Variants in DNAH2 observed in about 807,000 individuals in gnomAD.
The protein encoded by DNAH2 is dynein axonemal heavy chain 2.
Under a neutral mutation model 523.5 loss-of-function variants are expected in DNAH2, and 323 were observed. The observed-to-expected ratio is 0.62, with a 90% CI of 0.56 to 0.68. The LOEUF (loss-of-function observed/expected upper bound fraction) is 0.68, where lower values mean the gene tolerates loss of function less well. Ranked by LOEUF, DNAH2 falls within the 30% of genes least tolerant of loss-of-function variation. DNAH2 has a pLI of 0.00. For missense variants in DNAH2, 4,907 were observed against 5,701.5 expected (o/e 0.86, Z 4.49); for synonymous variants, 2,093 against 2,177.4 (o/e 0.96, Z 1.08).
At chr17:7,775,760 A>T (rs1382171009) in intron 30 of DNAH2, among the ~76,000 whole-genome samples, 3 of 151,820 alleles carry the variant, frequency 2.0e-5, no homozygotes, top group African/African-American at 7.3e-5. Flanking sequence ...AGACCTCTTT[A>T]AATGGCCGTT....
At chr17:7,732,985 G>A (rs1435112137) in intron 4 of DNAH2, 102 bp from the exon 5 acceptor site, 2 of 1,143,384 alleles carry the variant, frequency 1.7e-6, no homozygotes, top group Non-Finnish European at 2.5e-6. Context: ...AGAAGGATCA[G>A]GATACCCTGA....
In DNAH2 at chr17:7,767,898, A is replaced by G; in HGVS notation, c.3676-2A>G. On this transcript the variant is annotated splice_acceptor_variant, in intron 22 of 85. Coordinates refer to ENST00000572933, the MANE Select transcript of DNAH2 (RefSeq NM_020877.5). LOFTEE classifies it high-confidence loss of function. ...CATGCAACGCGCCTTTCTGCCCTGT[A>G]GGAGCTCGATGCCCTCCAGCAAATC... The G allele has an allele frequency of 6.2e-7, 1 of 1,614,114 alleles. No individual in the cohort carries two copies. Among genetic ancestry groups the G allele is most frequent in the East Asian group, 2.2e-5 (1 of 44,878 alleles).
Position 7,734,251 on chromosome 17 carries a change from G to A in DNAH2, c.697G>A (p.Glu233Lys), listed in dbSNP as rs750463334. 1 of 1,607,682 alleles carries A rather than the reference G, an allele frequency of 6.2e-7. No individual in the cohort carries two copies. The highest frequency in any genetic ancestry group is 8.5e-7 in the Non-Finnish European group (1 of 1,176,916). The change falls in exon 6 of 86, where the codon GAG becomes AAG. Residue 233 changes from glutamate (E) to lysine (K), a missense_variant. This residue lies in a region of DNAH2 where 2,806 missense variants were observed against 3,190.8 expected (regional missense o/e 0.88). Coordinates refer to ENST00000572933, the MANE Select transcript of DNAH2 (RefSeq NM_020877.5). ...IPAEAMNMKP[E>K]MVIKDKELVQ... ...TGCAGAGGCCATGAACATGAAGCCT[G>A]AGATGGTGATAAAGGACAAAGAGCT...
At chr17:7,817,438 C>G in intron 65 of DNAH2, 23 bp downstream of exon 65, 1 of 1,613,722 alleles carries the variant, frequency 6.2e-7, no homozygotes, top group Non-Finnish European at 8.5e-7. Context: ...TCAGGCATGA[C>G]AAGTAGGCTC....
intron 12 of DNAH2, among the ~76,000 whole-genome samples, chr17:7,752,160 T>TACACACACTTACACACAC (rs146035380): frequency 8.0e-6 from 1 of 124,952 alleles, no homozygotes; most frequent in Non-Finnish European, 1.6e-5. Context: ...TAAGTCATTT[T>TACACACACTTACACACAC]ACACACACAC....
intron 2 of DNAH2, among the ~76,000 whole-genome samples, chr17:7,721,687 T>A (rs1268717026): frequency 6.6e-6 from 1 of 152,212 alleles, no homozygotes; most frequent in Non-Finnish European, 1.5e-5. Context: ...TTTGGTTATA[T>A]CTCATTTGTT....
chr17:7,780,738 G>A lies in DNAH2; in HGVS notation c.5959G>A (p.Ala1987Thr), dbSNP rs368421757. The change falls in exon 38 of 86, where the codon GCT becomes ACT. Residue 1987 changes from alanine to threonine, a missense_variant. This residue lies in a region of DNAH2 where 2,806 missense variants were observed against 3,190.8 expected (regional missense o/e 0.88). Transcript: ENST00000572933. The surrounding 1 kb of genome is among the most constrained non-coding windows in gnomAD (Gnocchi z 4.4). ...TGCCCTCACCTCCCTTCTGCGCTATGCTGGCAAGAAGCGCCGCCTACAGCC... is the reference window on the plus strand; with the variant it reads ...TGCCCTCACCTCCCTTCTGCGCTATACTGGCAAGAAGCGCCGCCTACAGCC... ...LRALTSLLRY[A>T]GKKRRLQPDL... The A allele has an allele frequency of 1.9e-6, 3 of 1,614,120 alleles. No individual in the cohort carries two copies. The highest frequency in any genetic ancestry group is 2.5e-6 in the Non-Finnish European group (3 of 1,180,060).
intron 39 of DNAH2, among the ~76,000 whole-genome samples, chr17:7,782,669 T>C (rs2151251033): frequency 6.6e-6 from 1 of 152,084 alleles, no homozygotes; most frequent in East Asian, 1.9e-4. Context: ...TTACTTCAGA[T>C]ATTGAAACTG....
intron 2 of DNAH2, among the ~76,000 whole-genome samples, 193 bp downstream of exon 2, chr17:7,720,093 A>G (rs1208505067): frequency 6.6e-6 from 1 of 152,156 alleles, no homozygotes. Context: ...CCTCCTGGCC[A>G]GCCTCATCCT....
chr17:7,776,710 G>A, intron 31 of DNAH2, 69 bp from the exon 32 acceptor site: 1 of 1,266,442 alleles, frequency 7.9e-7, no homozygotes. Context: ...AATTAGCTGG[G>A]ACTTGGGAGC....
chr17:7,776,251 A>AACTCCTGACCTCAAGT, intron 31 of DNAH2, 102 bp downstream of exon 31: 2 of 1,390,660 alleles, frequency 1.4e-6, no homozygotes, highest in Non-Finnish European at 1.9e-6. Flanking sequence ...AGATCACTTG[A>AACTCCTGACCTCAAGT]GGTCAGGAGT....
chr17:7,749,308 C>CAAAAAAAAAA (rs57660603), intron 12 of DNAH2, among the ~76,000 whole-genome samples: 268 of 17,762 alleles, frequency 0.015, 118 homozygotes, highest in South Asian at 0.033. Flanking sequence ...AACTCCCCCC[C>CAAAAAAAAAA]AAAAAAAAAA....
chr17:7,780,653 ACT>A lies in DNAH2; in HGVS notation c.5877_5878del (p.Tyr1960LeufsTer14), dbSNP rs1374543183. 8 of 1,613,790 alleles carry A rather than the reference ACT, an allele frequency of 5.0e-6. No homozygotes were observed. The highest frequency in any genetic ancestry group is 1.3e-5 in the African/African-American group (1 of 74,834). ...CKILAKKVYT[L>X]YSLAVQQLSR... ...AGATTCTGGCCAAGAAGGTGTACAC[ACT>A]CTACTCACTGGCTGTGCAGCAGCTG... On this transcript the variant is annotated frameshift_variant, in exon 38 of 86. Coordinates refer to ENST00000572933, the MANE Select transcript of DNAH2 (RefSeq NM_020877.5). LOFTEE classifies it high-confidence loss of function. The surrounding 1 kb of genome is among the most constrained non-coding windows in gnomAD (Gnocchi z 4.4).
chr17:7,724,167 T>C (rs114397275), intron 3 of DNAH2, among the ~76,000 whole-genome samples: 406 of 152,198 alleles, frequency 2.7e-3, no homozygotes, highest in African/African-American at 9.2e-3. Flanking sequence ...GTCATGACCA[T>C]AGTTACCTGG....
chr17:7,832,740 A>G lies in DNAH2; in HGVS notation c.12888A>G (p.Ser4296=). The G allele has an allele frequency of 6.2e-7, 1 of 1,614,070 alleles. No individual in the cohort carries two copies. Among genetic ancestry groups the G allele is most frequent in the Non-Finnish European group, 8.5e-7 (1 of 1,180,024 alleles). Residue 4296 remains serine, a synonymous_variant, in exon 83 of 86, where the codon TCA becomes TCG. Transcript: ENST00000572933. This position sits in a 1 kb window ranked among gnomAD's most constrained non-coding sequence, Gnocchi z 4.3. ...TCCTCACTGCTGTGCTGCAGTCTTC[A>G]GCTCGCCAAAACAACGTGAGCAATG... is the stretch of plus-strand genomic sequence containing the variant. ...TGFLTAVLQS[S]ARQNNVSVDS...
chr17:7,727,894 G>A (rs1567604625), intron 4 of DNAH2, among the ~76,000 whole-genome samples: 1 of 152,104 alleles, frequency 6.6e-6, no homozygotes, highest in Admixed American at 6.6e-5. Context: ...GGAGCCAGTG[G>A]AATTCTGGGA....
rs757843553 is a variant in DNAH2, at chr17:7,767,995, G to A, written c.3771G>A (p.Thr1257=). 43 of 1,614,136 alleles carry A rather than the reference G, an allele frequency of 2.7e-5. No individual in the cohort carries two copies. Among genetic ancestry groups the A allele is most frequent in the South Asian group, 3.3e-5 (3 of 91,082 alleles). Residue 1257 remains threonine, a synonymous_variant, in exon 23 of 86, where the codon ACG becomes ACA. Transcript: ENST00000572933. ...CTGGCCGGTTCCTGATCCTGCAGACGGAAACCATGGAGACCACGGCCCACG... is the reference window on the plus strand; with the variant it reads ...CTGGCCGGTTCCTGATCCTGCAGACAGAAACCATGGAGACCACGGCCCACG... ...WKTGRFLILQ[T]ETMETTAHGL...
chr17:7,826,888 A>G (rs891119806), intron 77 of DNAH2, among the ~76,000 whole-genome samples: 1 of 152,048 alleles, frequency 6.6e-6, no homozygotes, highest in African/African-American at 2.4e-5. Context: ...TTGAAGTCCC[A>G]GTGTGCCTCT....
intron 2 of DNAH2, among the ~76,000 whole-genome samples, chr17:7,720,802 T>C (rs1256541490): frequency 6.6e-6 from 1 of 152,078 alleles, no homozygotes; most frequent in African/African-American, 2.4e-5. Context: ...TCCTTCTGAG[T>C]TCTGAAGTGC....
Sources: gnomAD v4.1 joint callset for allele counts (sites outside exome capture counted in the v4.1 genomes callset) on GRCh38, gnomAD v4.1.1 for gene constraint, gnomAD v4.1.1 regional missense constraint, Gnocchi (gnomAD v3.1) non-coding constraint, MANE v1.5 for transcripts, NCBI Gene and HGNC (gene_info 2026-07-23, HGNC 2026-07-21) for gene names.